ADAMTS13: variants seen among roughly 807,000 people sequenced by gnomAD.
ADAMTS13 encodes ADAM metallopeptidase with thrombospondin type 1 motif 13.
Under a neutral mutation model 155.1 loss-of-function variants are expected in ADAMTS13, and 110 were observed. The observed-to-expected ratio is 0.71, with a 90% CI of 0.61 to 0.83. The LOEUF is 0.83. Among genes scored for constraint, ADAMTS13 ranks in the 40% least tolerant of loss-of-function variants. The probability of loss-of-function intolerance (pLI) is 0.00; values close to 1 mark genes in which losing one functional copy is unlikely to be tolerated. For missense variants in ADAMTS13, 1,707 were observed against 1,891.7 expected (o/e 0.90, Z 1.81); for synonymous variants, 758 against 756.4 (o/e 1.00, Z -0.03).
chr9:133,454,532 C>T lies in ADAMTS13; in HGVS notation c.3162C>T (p.Ala1054=), dbSNP rs1554795157. Residue 1054 remains alanine (A), a synonymous_variant, in exon 24 of 29, where the codon GCC becomes GCT. Coordinates refer to ENST00000355699, the MANE Select transcript of ADAMTS13 (RefSeq NM_139027.6). The stretch of plus-strand genomic sequence containing the variant: ...AGGACGTGGAGGTGGACGAGGCGGC[C>T]TGTGCGGCGCTGGTGCGGCCCGAGG... ...QGQDVEVDEA[A]CAALVRPEAS... The T allele has an allele frequency of 6.2e-7, 1 of 1,610,312 alleles. No homozygotes were observed. The highest frequency in any genetic ancestry group is 1.3e-5 in the African/African-American group (1 of 75,064).
At chr9:133,446,312 G>A (rs891507285) in intron 21 of ADAMTS13, among the ~76,000 whole-genome samples, 3 of 152,172 alleles carry the variant, frequency 2.0e-5, no homozygotes, top group East Asian at 3.9e-4. Context: ...GCAAACTGGA[G>A]CTCTGTCCCT....
At chr9:133,422,849 CCTT>C (rs1453996333) in intron 1 of ADAMTS13, among the ~76,000 whole-genome samples, 3 of 151,882 alleles carry the variant, frequency 2.0e-5, no homozygotes, top group Non-Finnish European at 2.9e-5. Context: ...TTCCCCCTCT[CCTT>C]CTTGGTTGGC....
chr9:133,437,639 G>T, intron 12 of ADAMTS13, 110 bp from the exon 13 acceptor site: 1 of 1,256,546 alleles, frequency 8.0e-7, no homozygotes, highest in East Asian at 2.4e-5. Context: ...GTGGGATGTG[G>T]GGAAGATAGA....
At position 133,425,052 on chromosome 9, in the gene ADAMTS13, C is replaced by T. The variant is rs376451489; in HGVS notation, c.331-477C>T. ...TCAGAAAGACAAACAAGGCCAGGCGCGGTGGCTCATGCCTATAATCCCAGC... is the reference window on the plus strand; with the variant it reads ...TCAGAAAGACAAACAAGGCCAGGCGTGGTGGCTCATGCCTATAATCCCAGC... On this transcript the variant is annotated intron_variant, in intron 3 of 28. Transcript: ENST00000355699. This position sits in a 1 kb window ranked among gnomAD's most constrained non-coding sequence, Gnocchi z 4.6. Among the ~76,000 whole-genome samples the T allele has an allele frequency of 1.4e-4, 22 of 152,316 alleles. No homozygotes were observed. The East Asian group carries it at 3.5e-3, about 24-fold the overall frequency.
intron 7 of ADAMTS13, chr9:133,429,606 T>A: frequency 7.5e-6 from 2 of 265,892 alleles, no homozygotes; most frequent in Admixed American, 4.1e-5. Context: ...CCCACACCCC[T>A]ATCTCCCCCA....
At chr9:133,438,786 C>T (rs782465481) in intron 14 of ADAMTS13, among the ~76,000 whole-genome samples, 3 of 151,760 alleles carry the variant, frequency 2.0e-5, no homozygotes, top group Non-Finnish European at 4.4e-5. Context: ...TGATGGCGGG[C>T]GCCTGTAGTC....
At chr9:133,432,960 C>T (rs1383660055) in intron 9 of ADAMTS13, among the ~76,000 whole-genome samples, 1 of 141,424 alleles carries the variant, frequency 7.1e-6, no homozygotes, top group East Asian at 2.1e-4. Flanking sequence ...GTGTGAAGGT[C>T]CTTGTGGATA....
In ADAMTS13 at chr9:133,448,632, C is replaced by T. The variant is rs587773478; in HGVS notation, c.2765C>T (p.Ser922Phe). 4 of 1,610,260 alleles carry T rather than the reference C, an allele frequency of 2.5e-6. No homozygotes were observed. In the African/African-American group the frequency reaches 4.0e-5, roughly 16 times the overall value. The change falls in exon 22 of 29, where the codon TCT becomes TTT. Residue 922 changes from serine to phenylalanine, a missense_variant. This residue lies in a region of ADAMTS13 where 961 missense variants were observed against 1,107.9 expected (regional missense o/e 0.87). Coordinates refer to ENST00000355699, the MANE Select transcript of ADAMTS13 (RefSeq NM_139027.6). Reference sequence around the variant, plus strand: ...GAGCTGCGTTTCCTGTGCATGGACTCTGCCCTCAGGGTGCCTGTCCAGGAA... The same window carrying T: ...GAGCTGCGTTTCCTGTGCATGGACTTTGCCCTCAGGGTGCCTGTCCAGGAA... Reference protein sequence around the residue: ...LMELRFLCMDSALRVPVQEEL... With the variant: ...LMELRFLCMDFALRVPVQEEL...
At position 133,425,876 on chromosome 9, in the gene ADAMTS13, C is replaced by A. The variant is rs1196681127; in HGVS notation, c.415-62C>A. 5.0e-6 allele frequency: 8 copies of A among 1,607,012 alleles called. No homozygotes were observed. In the East Asian group the frequency reaches 1.8e-4, roughly 36 times the overall value. Reference sequence around the variant, plus strand: ...GAGGACTAACTGGGAAACAAACCGACCGCAGTCAGCACCGTGCCTGGTTGG... The same window carrying A: ...GAGGACTAACTGGGAAACAAACCGAACGCAGTCAGCACCGTGCCTGGTTGG... On this transcript the variant is annotated intron_variant, in intron 4 of 28. Transcript: ENST00000355699. This position sits in a 1 kb window ranked among gnomAD's most constrained non-coding sequence, Gnocchi z 4.6.
rs187682000 is a variant in ADAMTS13 at position 133,444,280 on chromosome 9, A to G, written c.2421-583A>G. On this transcript the variant is annotated intron_variant, in intron 19 of 28. Coordinates refer to ENST00000355699, the MANE Select transcript of ADAMTS13 (RefSeq NM_139027.6). ...TGGCACCTGTTTCTCTGCACCTGCT[A>G]TGGTGCATGGAGTCAGTGATTACCT... is the stretch of plus-strand genomic sequence containing the variant. Among the ~76,000 whole-genome samples the G allele has an allele frequency of 4.2e-3, 638 of 152,082 alleles. 3 individuals are homozygous for G. Among genetic ancestry groups the G allele is most frequent in the African/African-American group, 0.012 (479 of 41,490 alleles).
At chr9:133,428,566 C>CCGGGG in intron 6 of ADAMTS13, 68 bp from the exon 7 acceptor site, 1 of 283,532 alleles carries the variant, frequency 3.5e-6, no homozygotes. Flanking sequence ...CGCCGACCCC[C>CCGGGG]GTCCCGCCCC....
chr9:133,435,533 A>ATT (rs71503347), intron 11 of ADAMTS13, among the ~76,000 whole-genome samples: 4 of 106,080 alleles, frequency 3.8e-5, no homozygotes, highest in Non-Finnish European at 5.8e-5. Flanking sequence ...TTCTTTCTTT[A>ATT]TTTTTTTTTT....
At position 133,424,600 on chromosome 9, in the gene ADAMTS13, T is replaced by A; in HGVS notation, c.330+122T>A. The A allele has an allele frequency of 7.1e-7, 1 of 1,415,954 alleles. No homozygotes were observed. 87.7% of individuals were successfully genotyped at this position (1,415,954 alleles called of 1,614,324 possible). A position where few individuals can be genotyped will look rare whatever the true frequency, so the allele number is the denominator to read the frequency against. Reference sequence around the variant, plus strand: ...TAAACTCAGGTAGAATGGCTCGGGGTTCTTCCTCTTCTCCCTCCCTCCCCT... The same window carrying A: ...TAAACTCAGGTAGAATGGCTCGGGGATCTTCCTCTTCTCCCTCCCTCCCCT... On this transcript the variant is annotated intron_variant, in intron 3 of 28. Coordinates refer to ENST00000355699, the MANE Select transcript of ADAMTS13 (RefSeq NM_139027.6). This position sits in a 1 kb window ranked among gnomAD's most constrained non-coding sequence, Gnocchi z 4.3.
At chr9:133,443,231 G>A in intron 18 of ADAMTS13, 145 bp from the exon 19 acceptor site, 2 of 1,044,226 alleles carry the variant, frequency 1.9e-6, no homozygotes, top group Non-Finnish European at 2.8e-6. Context: ...CCGTCTGGCA[G>A]CCTGGGAACA....
intron 2 of ADAMTS13, 77 bp downstream of exon 2, chr9:133,423,244 G>A (rs1757037936): frequency 7.0e-7 from 1 of 1,421,746 alleles, no homozygotes; most frequent in Non-Finnish European, 9.9e-7. Flanking sequence ...TGAGTCAGTG[G>A]TCTGGGATTT....
At chr9:133,446,758 T>G (rs72779217) in intron 21 of ADAMTS13, among the ~76,000 whole-genome samples, 4,834 of 152,346 alleles carry the variant, frequency 0.032, 108 homozygotes, top group Non-Finnish European at 0.041. Flanking sequence ...TGGACTGTTT[T>G]CCCCAGTGGC....
chr9:133,452,889 C>T (rs1200811224), intron 23 of ADAMTS13, among the ~76,000 whole-genome samples: 1 of 152,238 alleles, frequency 6.6e-6, no homozygotes, highest in East Asian at 1.9e-4. Context: ...CTTAGGGCTT[C>T]TGTGCTAGCT....
chr9:133,417,366 T>G (rs115822076), upstream of ADAMTS13, among the ~76,000 whole-genome samples: 1,503 of 152,384 alleles, frequency 9.9e-3, 21 homozygotes, highest in African/African-American at 0.034. Context: ...CCATTCTAGT[T>G]AGTTCATTAT....
chr9:133,453,396 A>G (rs993179062), intron 23 of ADAMTS13, among the ~76,000 whole-genome samples: 1 of 152,134 alleles, frequency 6.6e-6, no homozygotes, highest in South Asian at 2.1e-4. Context: ...AGATTGTGCT[A>G]CTGCACTCCA....
Sources: allele counts gnomAD v4.1 joint callset (sites outside exome capture counted in the v4.1 genomes callset), GRCh38; gene constraint gnomAD v4.1.1; regional missense constraint gnomAD v4.1.1; non-coding constraint Gnocchi (gnomAD v3.1); transcripts MANE v1.5; gene names NCBI Gene and HGNC (gene_info 2026-07-23, HGNC 2026-07-21).